Variants in C2CD4B observed in about 807,000 individuals in gnomAD.
C2CD4B encodes the protein C2 calcium-dependent domain-containing protein 4B.
For synonymous variants in C2CD4B, 347 were observed against 284.9 expected, an observed-to-expected ratio of 1.22 and a Z score of -2.20; for missense variants, 644 against 577.7, an observed-to-expected ratio of 1.11 and a Z score of -1.18.
Position 62,164,876 on chromosome 15 carries a change from G to A in C2CD4B, c.109C>T (p.Pro37Ser). Residue 37 changes from proline to serine, a missense_variant, in exon 2 of 2, where the codon CCG becomes TCG. Transcript: ENST00000380392. Reference protein sequence around the residue: ...PNRIPEFCIPPRLPAPCTLES... With the variant: ...PNRIPEFCIPSRLPAPCTLES... ...AGCGTGCAAGGGGCCGGCAGCCGCG[G>A]CGGGATGCAGAATTCGGGGATGCGA... 6.6e-7 allele frequency: 1 copy of A among 1,515,240 alleles called. No individual in the cohort carries two copies. The highest frequency in any genetic ancestry group is 8.8e-7 in the Non-Finnish European group (1 of 1,136,410). The allele number at this position is 1,515,240 out of a possible 1,614,324, so 93.9% of individuals were successfully genotyped here. A position where few individuals can be genotyped will look rare whatever the true frequency, so the allele number is the denominator to read the frequency against.
rs1358500006 is a variant in C2CD4B, at chr15:62,163,693, G to A, written c.*197C>T. 1.3e-6 allele frequency: 1 copy of A among 743,684 alleles called. No individual in the cohort carries two copies. Among genetic ancestry groups the A allele is most frequent in the Admixed American group, 4.3e-5 (1 of 23,162 alleles). 46.1% of individuals were successfully genotyped at this position (743,684 alleles called of 1,614,324 possible). A position where few individuals can be genotyped will look rare whatever the true frequency, so the allele number is the denominator to read the frequency against. Reference sequence around the variant, plus strand: ...CAAAAATGGTCTGGAAAGAGATATGGGGGTCCTGTGAACAGAACAGGGAGT... The same window carrying A: ...CAAAAATGGTCTGGAAAGAGATATGAGGGTCCTGTGAACAGAACAGGGAGT... On this transcript the variant is annotated 3_prime_UTR_variant, in exon 2 of 2. Coordinates refer to ENST00000380392, the MANE Select transcript of C2CD4B (RefSeq NM_001007595.3).
rs756583829 is a variant in C2CD4B, at chr15:62,164,665, G to T, written c.320C>A (p.Pro107Gln). ...TYGFCALLES[P>Q]HTRRKESLLL... The stretch of plus-strand genomic sequence containing the variant: ...GAGCGACTCCTTGCGGCGCGTGTGC[G>T]GGCTCTCGAGCAGCGCGCAGAAGCC... Residue 107 changes from proline (P) to glutamine (Q), a missense_variant, in exon 2 of 2, where the codon CCG (proline) becomes CAG (glutamine). By Grantham distance (76) the Pro-to-Gln change is moderately conservative. Coordinates refer to ENST00000380392, the MANE Select transcript of C2CD4B (RefSeq NM_001007595.3). 2 of 1,434,884 alleles carry T rather than the reference G, an allele frequency of 1.4e-6. No homozygotes were observed. Among genetic ancestry groups the T allele is most frequent in the Non-Finnish European group, 9.1e-7 (1 of 1,096,544 alleles). The allele number at this position is 1,434,884 out of a possible 1,614,324, so 88.9% of individuals were successfully genotyped here.
Position 62,164,852 on chromosome 15 carries a change from G to C in C2CD4B, c.133C>G (p.Leu45Val), listed in dbSNP as rs780140786. 2,297 of 1,487,940 alleles carry C rather than the reference G, an allele frequency of 1.5e-3. 3 individuals are homozygous for C. The highest frequency in any genetic ancestry group is 1.8e-3 in the Non-Finnish European group (2,060 of 1,125,402). 92.2% of individuals were successfully genotyped at this position (1,487,940 alleles called of 1,614,324 possible). The change falls in exon 2 of 2, where the codon CTC (leucine) becomes GTC (valine). Residue 45 changes from leucine (L) to valine (V), a missense_variant. Physicochemically the swap from Leu to Val is conservative, Grantham distance 32. Coordinates refer to ENST00000380392, the MANE Select transcript of C2CD4B (RefSeq NM_001007595.3). Reference sequence around the variant, plus strand: ...GCGGCGGCCCGGATTGGAGACTCGAGCGTGCAAGGGGCCGGCAGCCGCGGC... The same window carrying C: ...GCGGCGGCCCGGATTGGAGACTCGACCGTGCAAGGGGCCGGCAGCCGCGGC... ...IPPRLPAPCT[L>V]ESPIRAAAVP...
rs748894230 is a variant in C2CD4B, at chr15:62,164,129, G to A, written c.856C>T (p.Arg286Cys). ...CGCAGGACGAGGCTGAGGCGGCAGCGGACGGCGCGGGGCCCGGGGGCGCCT... is the reference window on the plus strand; with the variant it reads ...CGCAGGACGAGGCTGAGGCGGCAGCAGACGGCGCGGGGCCCGGGGGCGCCT... ...FGGAPGPRAV[R>C]CRLSLVLRPP... Residue 286 changes from arginine to cysteine, a missense_variant, in exon 2 of 2, where the codon CGC becomes TGC. Arg to Cys is a radical substitution (Grantham distance 180). Transcript: ENST00000380392. 8.2e-6 allele frequency: 12 copies of A among 1,467,572 alleles called. No individual in the cohort carries two copies. Among genetic ancestry groups the A allele is most frequent in the African/African-American group, 1.5e-5 (1 of 68,012 alleles). The allele number at this position is 1,467,572 out of a possible 1,614,324, so 90.9% of individuals were successfully genotyped here.
At position 62,164,074 on chromosome 15, in the gene C2CD4B, C is replaced by T. The variant is rs1325071794; in HGVS notation, c.911G>A (p.Ser304Asn). ...RPPGTARWQC[S>N]AVVGRSRKAS... ...CTTGCGGCTGCGCCCCACCACAGCG[C>T]TGCATTGCCAACGCGCAGTGCCCGG... The change falls in exon 2 of 2, where the codon AGC becomes AAC. Residue 304 changes from serine (S) to asparagine (N), a missense_variant. Coordinates refer to ENST00000380392, the MANE Select transcript of C2CD4B (RefSeq NM_001007595.3). 6.4e-7 allele frequency: 1 copy of T among 1,568,446 alleles called. No homozygotes were observed. Among genetic ancestry groups the T allele is most frequent in the South Asian group, 1.2e-5 (1 of 85,764 alleles).
chr15:62,164,223 C>G lies in C2CD4B; in HGVS notation c.762G>C (p.Leu254=). 1.4e-6 allele frequency: 2 copies of G among 1,466,594 alleles called. No homozygotes were observed. The highest frequency in any genetic ancestry group is 1.8e-6 in the Non-Finnish European group (2 of 1,117,316). The allele number at this position is 1,466,594 out of a possible 1,614,324, so 90.8% of individuals were successfully genotyped here. The change falls in exon 2 of 2, where the codon CTG becomes CTC. Residue 254 remains leucine (L), a synonymous_variant. Coordinates refer to ENST00000380392, the MANE Select transcript of C2CD4B (RefSeq NM_001007595.3). The stretch of plus-strand genomic sequence containing the variant: ...GGGTTCCCGGACAGTACTCAGCAGC[C>G]AGGCGCAGGGCGTCGCCGGCGCGGC... ...ALGRAGDALR[L]AAEYCPGTRR... is the part of the protein sequence containing the mutation.
Position 62,164,938 on chromosome 15 carries a change from G to T in C2CD4B, c.47C>A (p.Ala16Glu). 6.5e-7 allele frequency: 1 copy of T among 1,534,306 alleles called. No homozygotes were observed. ...KLCSSAAGSS[A>E]PKPAFAKVLT... is the part of the protein sequence containing the mutation. ...CACTTTGGCGAAGGCGGGCTTCGGCGCGGAGCTGCCTGCGGCCGAGGAACA... is the reference window on the plus strand; with the variant it reads ...CACTTTGGCGAAGGCGGGCTTCGGCTCGGAGCTGCCTGCGGCCGAGGAACA... Residue 16 changes from alanine (A) to glutamate (E), a missense_variant, in exon 2 of 2, where the codon GCG becomes GAG. Coordinates refer to ENST00000380392, the MANE Select transcript of C2CD4B (RefSeq NM_001007595.3).
Position 62,164,091 on chromosome 15 carries a change from A to T in C2CD4B, c.894T>A (p.Thr298=). Residue 298 remains threonine (T), a synonymous_variant, in exon 2 of 2, where the codon ACT becomes ACA. Coordinates refer to ENST00000380392, the MANE Select transcript of C2CD4B (RefSeq NM_001007595.3). ...CCACAGCGCTGCATTGCCAACGCGCAGTGCCCGGCGGCCGCAGGACGAGGC... is the reference window on the plus strand; with the variant it reads ...CCACAGCGCTGCATTGCCAACGCGCTGTGCCCGGCGGCCGCAGGACGAGGC... ...RLSLVLRPPG[T]ARWQCSAVVG... is the part of the protein sequence containing the mutation. 2 of 1,533,688 alleles carry T rather than the reference A, an allele frequency of 1.3e-6. No homozygotes were observed. Among genetic ancestry groups the T allele is most frequent in the Non-Finnish European group, 1.7e-6 (2 of 1,147,072 alleles).
At position 62,163,764 on chromosome 15, in the gene C2CD4B, G is replaced by A; in HGVS notation, c.*126C>T. The A allele has an allele frequency of 1.6e-6, 2 of 1,235,756 alleles. No individual in the cohort carries two copies. The highest frequency in any genetic ancestry group is 2.2e-5 in the South Asian group (1 of 46,476). 76.5% of individuals were successfully genotyped at this position (1,235,756 alleles called of 1,614,324 possible). Reference sequence around the variant, plus strand: ...CCAATAGACGATGACAAATGTGGATGGTGAGGAAGTAAAACGTCAATAAAG... The same window carrying A: ...CCAATAGACGATGACAAATGTGGATAGTGAGGAAGTAAAACGTCAATAAAG... On this transcript the variant is annotated 3_prime_UTR_variant, in exon 2 of 2. Coordinates refer to ENST00000380392, the MANE Select transcript of C2CD4B (RefSeq NM_001007595.3).
Position 62,163,802 on chromosome 15 carries a change from T to TA in C2CD4B, c.*87dup, listed in dbSNP as rs1158224751. The TA allele has an allele frequency of 2.2e-6, 3 of 1,353,588 alleles. No individual in the cohort carries two copies. Among genetic ancestry groups the TA allele is most frequent in the East Asian group, 5.9e-5 (2 of 33,934 alleles). 83.8% of individuals were successfully genotyped at this position (1,353,588 alleles called of 1,614,324 possible). A position where few individuals can be genotyped will look rare whatever the true frequency, so the allele number is the denominator to read the frequency against. On this transcript the variant is annotated 3_prime_UTR_variant, in exon 2 of 2. Coordinates refer to ENST00000380392, the MANE Select transcript of C2CD4B (RefSeq NM_001007595.3). Reference sequence around the variant, plus strand: ...AACGTCAATAAAGCAGTATCATAAATAAAAAAATAAATAACGTTTATTCTG... The same window carrying TA: ...AACGTCAATAAAGCAGTATCATAAATAAAAAAAATAAATAACGTTTATTCTG...
rs1160347913 is a variant in C2CD4B, at chr15:62,164,689, C to T, written c.296G>A (p.Gly99Asp). The T allele has an allele frequency of 6.8e-7, 1 of 1,467,356 alleles. No individual in the cohort carries two copies. The highest frequency in any genetic ancestry group is 9.0e-7 in the Non-Finnish European group (1 of 1,116,320). 90.9% of individuals were successfully genotyped at this position (1,467,356 alleles called of 1,614,324 possible). A position where few individuals can be genotyped will look rare whatever the true frequency, so the allele number is the denominator to read the frequency against. Reference protein sequence around the residue: ...PHLPRVRTTYGFCALLESPHT... With the variant: ...PHLPRVRTTYDFCALLESPHT... ...CGGGCTCTCGAGCAGCGCGCAGAAG[C>T]CGTAGGTGGTGCGCACACGGGGCAG... Residue 99 changes from glycine to aspartate, a missense_variant, in exon 2 of 2, where the codon GGC becomes GAC. Gly to Asp is a moderately conservative substitution (Grantham distance 94). Coordinates refer to ENST00000380392, the MANE Select transcript of C2CD4B (RefSeq NM_001007595.3).
chr15:62,163,806 AAAAT>A lies in C2CD4B; in HGVS notation c.*80_*83del, dbSNP rs2049576280. ...TCAATAAAGCAGTATCATAAATAAA[AAAAT>A]AAATAACGTTTATTCTGTACCACGC... On this transcript the variant is annotated 3_prime_UTR_variant, in exon 2 of 2. Coordinates refer to ENST00000380392, the MANE Select transcript of C2CD4B (RefSeq NM_001007595.3). 7.4e-7 allele frequency: 1 copy of A among 1,359,928 alleles called. No individual in the cohort carries two copies. The highest frequency in any genetic ancestry group is 2.9e-5 in the East Asian group (1 of 34,058). The allele number at this position is 1,359,928 out of a possible 1,614,324, so 84.2% of individuals were successfully genotyped here.
rs1259839066 is a variant in C2CD4B, at chr15:62,163,874, G to A, written c.*16C>T. On this transcript the variant is annotated 3_prime_UTR_variant, in exon 2 of 2. Coordinates refer to ENST00000380392, the MANE Select transcript of C2CD4B (RefSeq NM_001007595.3). ...CGGAGTCTCCAGGGCAGAGCGCCCC[G>A]GGGAGGGCTGGGCCCTCAGAGCAGC... The A allele has an allele frequency of 2.0e-6, 3 of 1,472,332 alleles. No homozygotes were observed. The highest frequency in any genetic ancestry group is 1.4e-5 in the South Asian group (1 of 73,348). 91.2% of individuals were successfully genotyped at this position (1,472,332 alleles called of 1,614,324 possible). A position where few individuals can be genotyped will look rare whatever the true frequency, so the allele number is the denominator to read the frequency against.
rs1163191193 is a variant in C2CD4B at position 62,164,339 on chromosome 15, C to T, written c.646G>A (p.Glu216Lys). 1 of 1,398,838 alleles carries T rather than the reference C, an allele frequency of 7.1e-7. No individual in the cohort carries two copies. Among genetic ancestry groups the T allele is most frequent in the Non-Finnish European group, 9.2e-7 (1 of 1,086,192 alleles). 86.7% of individuals were successfully genotyped at this position (1,398,838 alleles called of 1,614,324 possible). A position where few individuals can be genotyped will look rare whatever the true frequency, so the allele number is the denominator to read the frequency against. ...GAGGAGGGGGCCCGGGCCGGGGACT[C>T]GGATCCCGCGCGGCGCTCCTCGTCC... ...NEDEERRAGS[E>K]SPARAPSSSP... The change falls in exon 2 of 2, where the codon GAG (glutamate) becomes AAG (lysine). Residue 216 changes from glutamate to lysine, a missense_variant. Transcript: ENST00000380392.
rs2049598402 is a variant in C2CD4B, at chr15:62,164,843, G to C, written c.142C>G (p.Pro48Ala). 2 of 1,478,496 alleles carry C rather than the reference G, an allele frequency of 1.4e-6. No individual in the cohort carries two copies. The highest frequency in any genetic ancestry group is 2.9e-5 in the African/African-American group (2 of 68,778). The allele number at this position is 1,478,496 out of a possible 1,614,324, so 91.6% of individuals were successfully genotyped here. A position where few individuals can be genotyped will look rare whatever the true frequency, so the allele number is the denominator to read the frequency against. ...CGGGGCACGGCGGCGGCCCGGATTG[G>C]AGACTCGAGCGTGCAAGGGGCCGGC... is the stretch of plus-strand genomic sequence containing the variant. Reference protein sequence around the residue: ...RLPAPCTLESPIRAAAVPRRC... With the variant: ...RLPAPCTLESAIRAAAVPRRC... The change falls in exon 2 of 2, where the codon CCA (proline) becomes GCA (alanine). Residue 48 changes from proline to alanine, a missense_variant. Transcript: ENST00000380392.
chr15:62,164,265 C>CT lies in C2CD4B; in HGVS notation c.719dup (p.Thr242HisfsTer16). On this transcript the variant is annotated frameshift_variant, in exon 2 of 2. Coordinates refer to ENST00000380392, the MANE Select transcript of C2CD4B (RefSeq NM_001007595.3). LOFTEE classifies it low-confidence loss of function (END_TRUNC). ...CGGCGCGGCCCAGAGCCACGGTGCCCTTGGCCTCCAGGCGCTCAGGAAGCG... is the reference window on the plus strand; with the variant it reads ...CGGCGCGGCCCAGAGCCACGGTGCCCTTTGGCCTCCAGGCGCTCAGGAAGCG... 7.0e-7 allele frequency: 1 copy of CT among 1,436,060 alleles called. No homozygotes were observed. Among genetic ancestry groups the CT allele is most frequent in the Non-Finnish European group, 9.1e-7 (1 of 1,103,486 alleles). The allele number at this position is 1,436,060 out of a possible 1,614,324, so 89.0% of individuals were successfully genotyped here. A position where few individuals can be genotyped will look rare whatever the true frequency, so the allele number is the denominator to read the frequency against.
Position 62,164,919 on chromosome 15 carries a change from G to A in C2CD4B, c.66C>T (p.Ala22=), listed in dbSNP as rs747157957. ...GGATGCGATTCGGCGTGAGCACTTT[G>A]GCGAAGGCGGGCTTCGGCGCGGAGC... ...AGSSAPKPAF[A]KVLTPNRIPE... is the part of the protein sequence containing the mutation. Residue 22 remains alanine, a synonymous_variant, in exon 2 of 2, where the codon GCC becomes GCT. Transcript: ENST00000380392. The A allele has an allele frequency of 2.6e-6, 4 of 1,537,688 alleles. No homozygotes were observed. The East Asian group carries it at 7.7e-5, about 29-fold the overall frequency.
rs768075477 is a variant in C2CD4B at position 62,163,870 on chromosome 15, C to T, written c.*20G>A. On this transcript the variant is annotated 3_prime_UTR_variant, in exon 2 of 2. Transcript: ENST00000380392. The stretch of plus-strand genomic sequence containing the variant: ...TGTCCGGAGTCTCCAGGGCAGAGCG[C>T]CCCGGGGAGGGCTGGGCCCTCAGAG... 2.8e-5 allele frequency: 41 copies of T among 1,467,872 alleles called. No homozygotes were observed. The highest frequency in any genetic ancestry group is 3.2e-5 in the Non-Finnish European group (36 of 1,116,850). 90.9% of individuals were successfully genotyped at this position (1,467,872 alleles called of 1,614,324 possible).
At position 62,164,714 on chromosome 15, in the gene C2CD4B, G is replaced by C; in HGVS notation, c.271C>G (p.Leu91Val). The C allele has an allele frequency of 1.4e-6, 2 of 1,476,118 alleles. No homozygotes were observed. The highest frequency in any genetic ancestry group is 1.3e-5 in the South Asian group (1 of 77,158). 91.4% of individuals were successfully genotyped at this position (1,476,118 alleles called of 1,614,324 possible). A position where few individuals can be genotyped will look rare whatever the true frequency, so the allele number is the denominator to read the frequency against. The change falls in exon 2 of 2, where the codon CTG (leucine) becomes GTG (valine). Residue 91 changes from leucine to valine, a missense_variant. Coordinates refer to ENST00000380392, the MANE Select transcript of C2CD4B (RefSeq NM_001007595.3). ...RSQAALSLPH[L>V]PRVRTTYGFC... is the part of the protein sequence containing the mutation. The stretch of plus-strand genomic sequence containing the variant: ...CCGTAGGTGGTGCGCACACGGGGCA[G>C]GTGCGGCAGTGACAGCGCTGCCTGC...
Sources: gnomAD v4.1 joint callset for allele counts on GRCh38, gnomAD v4.1.1 for gene constraint, MANE v1.5 for transcripts, NCBI Gene and HGNC (gene_info 2026-07-23, HGNC 2026-07-21) for gene names.